Variants in PRKCB observed in about 807,000 individuals in gnomAD.
PRKCB encodes the protein protein kinase C beta.
PRKCB carries 13 observed loss-of-function variants against 81.5 expected under a neutral mutation model. That is an observed-to-expected ratio of 0.16 (90% CI 0.10 to 0.25). The LOEUF (loss-of-function observed/expected upper bound fraction) is 0.25. PRKCB is among the 10% of genes least tolerant of loss of function. The pLI is 1.00. For missense variants in PRKCB, 509 were observed against 875.7 expected, an observed-to-expected ratio of 0.58 and a Z score of 5.29; for synonymous variants, 335 against 321.4, an observed-to-expected ratio of 1.04 and a Z score of -0.45.
intron 5 of PRKCB, among the ~76,000 whole-genome samples, chr16:24,036,484 C>G (rs1395791015): frequency 6.6e-6 from 1 of 152,058 alleles, no homozygotes; most frequent in African/African-American, 2.4e-5. Context: ...GTTGGTAACT[C>G]AGGAAATTGA....
chr16:24,132,231 A>G (rs1317012855), intron 9 of PRKCB, among the ~76,000 whole-genome samples: 3 of 152,274 alleles, frequency 2.0e-5, no homozygotes, highest in East Asian at 1.9e-4. Context: ...CTTGTAACTC[A>G]TATCTCTCCA....
chr16:24,174,729 A>G, intron 12 of PRKCB, 149 bp downstream of exon 12: 1 of 706,146 alleles, frequency 1.4e-6, no homozygotes, highest in Non-Finnish European at 2.4e-6. Flanking sequence ...GCCAGGCAGC[A>G]TCGCCCACTG....
intron 5 of PRKCB, among the ~76,000 whole-genome samples, chr16:24,072,179 T>C (rs1380928327): frequency 6.6e-6 from 1 of 152,128 alleles, no homozygotes; most frequent in Non-Finnish European, 1.5e-5. Context: ...CCAAAACATT[T>C]CCATCATTCC....
At chr16:24,033,217 A>T (rs1311519363) in intron 4 of PRKCB, among the ~76,000 whole-genome samples, 1 of 152,160 alleles carries the variant, frequency 6.6e-6, no homozygotes, top group Non-Finnish European at 1.5e-5. Context: ...TGCTCTCCCA[A>T]GGGTCCTGAG....
chr16:24,138,528 T>C (rs169145), intron 9 of PRKCB, among the ~76,000 whole-genome samples: 59,052 of 152,082 alleles, frequency 0.39, 11,752 homozygotes, highest in African/African-American at 0.48. Flanking sequence ...CTAAGCCATA[T>C]ATGTCACCAA....
At chr16:24,150,738 G>A (rs58165774) in intron 9 of PRKCB, among the ~76,000 whole-genome samples, 4,667 of 152,216 alleles carry the variant, frequency 0.031, 248 homozygotes, top group African/African-American at 0.1. Context: ...ATTAGACTAC[G>A]GCCACACTCA....
At chr16:24,043,858 T>C (rs552729594) in intron 5 of PRKCB, among the ~76,000 whole-genome samples, 1 of 152,288 alleles carries the variant, frequency 6.6e-6, no homozygotes, top group Admixed American at 6.5e-5. Flanking sequence ...GGTCCAGCAA[T>C]GTCTATTAAA....
chr16:23,889,963 A>G (rs889722729), intron 2 of PRKCB, among the ~76,000 whole-genome samples: 1 of 152,116 alleles, frequency 6.6e-6, no homozygotes, highest in Non-Finnish European at 1.5e-5. Flanking sequence ...CCCAAAATTT[A>G]TTTGTTATTA....
intron 16 of PRKCB, among the ~76,000 whole-genome samples, chr16:24,204,102 A>C (rs1038897653): frequency 6.6e-6 from 1 of 152,098 alleles, no homozygotes; most frequent in Non-Finnish European, 1.5e-5. Context: ...CTCACTGGAC[A>C]TGAATGGGTC....
chr16:24,036,644 T>C (rs1013664195), intron 5 of PRKCB, among the ~76,000 whole-genome samples: 6 of 152,186 alleles, frequency 3.9e-5, no homozygotes, highest in African/African-American at 1.4e-4. Context: ...AATATAATTC[T>C]TTTAAACTTG....
intron 2 of PRKCB, among the ~76,000 whole-genome samples, chr16:23,854,668 T>C (rs950631111): frequency 6.6e-6 from 1 of 152,154 alleles, no homozygotes; most frequent in Non-Finnish European, 1.5e-5. Context: ...CCATATTCCC[T>C]GGTCAAAGCA....
chr16:23,984,279 A>T (rs1265279367), intron 2 of PRKCB, among the ~76,000 whole-genome samples: 2 of 152,204 alleles, frequency 1.3e-5, no homozygotes, highest in African/African-American at 4.8e-5. Flanking sequence ...TTCTGACAAC[A>T]CCACTGTGAT....
intron 5 of PRKCB, among the ~76,000 whole-genome samples, chr16:24,048,334 A>C (rs2141867574): frequency 6.6e-6 from 1 of 152,274 alleles, no homozygotes; most frequent in South Asian, 2.1e-4. Context: ...CAAGCCACAC[A>C]ACTAGGAAGA....
chr16:24,164,690 A>G (rs570420689), intron 10 of PRKCB, among the ~76,000 whole-genome samples: 5 of 152,344 alleles, frequency 3.3e-5, no homozygotes, highest in Admixed American at 1.3e-4. Context: ...GCCCAGCGAG[A>G]TGAGAGTTGA....
chr16:24,134,938 C>T (rs1232154245), intron 9 of PRKCB, among the ~76,000 whole-genome samples: 9 of 151,214 alleles, frequency 6.0e-5, no homozygotes, highest in Admixed American at 5.3e-4. Flanking sequence ...TGCATAATGA[C>T]ATTTGTGGGT....
At chr16:23,857,575 C>T (rs954713540) in intron 2 of PRKCB, among the ~76,000 whole-genome samples, 4 of 152,128 alleles carry the variant, frequency 2.6e-5, no homozygotes, top group African/African-American at 9.7e-5. Flanking sequence ...CTCTGTGTTT[C>T]CCTTCTGGCC....
At chr16:23,913,175 A>G (rs906635941) in intron 2 of PRKCB, among the ~76,000 whole-genome samples, 7 of 152,218 alleles carry the variant, frequency 4.6e-5, no homozygotes, top group African/African-American at 1.7e-4. Context: ...TCCAGTATGT[A>G]GAGTAAGGAA....
chr16:24,131,198 T>C (rs1292031500), intron 9 of PRKCB, among the ~76,000 whole-genome samples: 3 of 152,218 alleles, frequency 2.0e-5, no homozygotes, highest in African/African-American at 7.2e-5. Context: ...AGGTATCACA[T>C]TTTTTCTCTT....
Position 24,185,578 on chromosome 16 carries a change from CT to C in PRKCB, c.1722+12del. 1 of 1,603,504 alleles carries C rather than the reference CT, an allele frequency of 6.2e-7. No homozygotes were observed. Among genetic ancestry groups the C allele is most frequent in the Non-Finnish European group, 8.5e-7 (1 of 1,170,336 alleles). On this transcript the variant is annotated intron_variant, in intron 15 of 16. Transcript: ENST00000643927. ...GCCATCTGCAAAGGGGTAAGTGCATCTCTTAAAGCTGTGACCAGGACCACCA... is the reference window on the plus strand; with the variant it reads ...GCCATCTGCAAAGGGGTAAGTGCATCCTTAAAGCTGTGACCAGGACCACCA...
Sources: gnomAD v4.1 joint callset for allele counts (sites outside exome capture counted in the v4.1 genomes callset) on GRCh38, gnomAD v4.1.1 for gene constraint, MANE v1.5 for transcripts, NCBI Gene and HGNC (gene_info 2026-07-23, HGNC 2026-07-21) for gene names.